The following UNC13C variants were observed in gnomAD, a reference collection of about 807,000 sequenced individuals.
The protein encoded by UNC13C is protein unc-13 homolog C.
In UNC13C, 174 loss-of-function variants were observed where a neutral mutation model predicts 245.4. That is an observed-to-expected ratio of 0.71 (90% CI 0.63 to 0.80). The LOEUF is 0.80. UNC13C is among the 30% of genes least tolerant of loss of function. The pLI is 0.00. For missense variants in UNC13C, 2,829 were observed against 2,602.9 expected, an observed-to-expected ratio of 1.09 and a Z score of -1.89; for synonymous variants, 992 against 895.1, an observed-to-expected ratio of 1.11 and a Z score of -1.93.
the UNC13C span, among the ~76,000 whole-genome samples, chr15:53,940,199 C>T: frequency 9.7e-3 from 1,471 of 152,126 alleles, 7 homozygotes; most frequent in Middle Eastern, 0.058. Flanking sequence ...GTGGGCAGCA[C>T]GGAGAGGTTT....
chr15:53,856,826 A>C, the UNC13C span, among the ~76,000 whole-genome samples: 7 of 152,114 alleles, frequency 4.6e-5, no homozygotes, highest in Non-Finnish European at 1.5e-5. Flanking sequence ...CAGGTCCTGA[A>C]TATCTTTGGC....
chr15:53,903,971 C>T, the UNC13C span, among the ~76,000 whole-genome samples: 685 of 152,274 alleles, frequency 4.5e-3, 5 homozygotes, highest in African/African-American at 0.016. Context: ...AGTACAGTGA[C>T]ATTGTGCAGG....
intron 13 of UNC13C, among the ~76,000 whole-genome samples, chr15:54,317,968 A>G (rs559955114): frequency 6.6e-6 from 1 of 152,070 alleles, no homozygotes; most frequent in East Asian, 1.9e-4. Context: ...CAGACTGTAC[A>G]TATGAGTGAG....
intron 1 of UNC13C, among the ~76,000 whole-genome samples, chr15:53,980,741 C>CT (rs1867760193): frequency 6.6e-6 from 1 of 152,150 alleles, no homozygotes; most frequent in Admixed American, 6.5e-5. Flanking sequence ...TCACTATGTG[C>CT]TAGGTAAATT....
chr15:54,168,925 G>A lies in UNC13C; in HGVS notation c.3071+25241G>A, dbSNP rs2141280219. 1.3e-5 allele frequency among the ~76,000 whole-genome samples: 2 copies of A among 152,234 alleles called. 1 individual carries two copies. The highest frequency in any genetic ancestry group is 3.9e-4 in the East Asian group (2 of 5,184). On this transcript the variant is annotated intron_variant, in intron 4 of 32. Coordinates refer to ENST00000260323, the MANE Select transcript of UNC13C (RefSeq NM_001080534.3). ...ATAATCACCAAGAATCAATAAAAGTGATTAATAAAATGGAAAAATGCTAAG... is the reference window on the plus strand; with the variant it reads ...ATAATCACCAAGAATCAATAAAAGTAATTAATAAAATGGAAAAATGCTAAG...
chr15:54,373,634 A>G (rs990906829), intron 17 of UNC13C, among the ~76,000 whole-genome samples: 1 of 152,208 alleles, frequency 6.6e-6, no homozygotes, highest in African/African-American at 2.4e-5. Context: ...CAGGAACCAT[A>G]GAGTCCCAAA....
intron 4 of UNC13C, among the ~76,000 whole-genome samples, chr15:54,183,221 C>T (rs8034755): frequency 0.022 from 3,307 of 151,654 alleles, 137 homozygotes; most frequent in African/African-American, 0.076. Flanking sequence ...TTGATAAATA[C>T]ATTCTTTAAG....
intron 10 of UNC13C, among the ~76,000 whole-genome samples, chr15:54,267,681 A>G (rs2036581365): frequency 6.6e-6 from 1 of 151,434 alleles, no homozygotes; most frequent in Non-Finnish European, 1.5e-5. Flanking sequence ...TACTCCTCCA[A>G]CTGCTTTTAA....
chr15:54,489,255 A>G (rs1339299075), intron 19 of UNC13C, among the ~76,000 whole-genome samples: 3 of 152,246 alleles, frequency 2.0e-5, no homozygotes, highest in African/African-American at 7.2e-5. Context: ...GACCACAAAT[A>G]TGAAACAAGG....
chr15:53,985,481 A>G (rs755842244), intron 1 of UNC13C, among the ~76,000 whole-genome samples: 1 of 151,952 alleles, frequency 6.6e-6, no homozygotes, highest in Non-Finnish European at 1.5e-5. Flanking sequence ...CATGTGTTAC[A>G]TATGTATACA....
chr15:54,230,553 A>C (rs1241578649), intron 4 of UNC13C, among the ~76,000 whole-genome samples: 1 of 152,092 alleles, frequency 6.6e-6, no homozygotes, highest in African/African-American at 2.4e-5. Flanking sequence ...GAACATATGT[A>C]ATTTGTATAC....
intron 19 of UNC13C, among the ~76,000 whole-genome samples, chr15:54,460,025 C>T (rs548357986): frequency 6.6e-6 from 1 of 152,196 alleles, no homozygotes; most frequent in Non-Finnish European, 1.5e-5. Flanking sequence ...TTTGTGTAGA[C>T]TGTTTCAGTG....
At position 54,013,777 on chromosome 15, in the gene UNC13C, C is replaced by T. The variant is rs751934604; in HGVS notation, c.874C>T (p.Arg292Cys). ...TGTACAAAGTGAAATTGAGCAGTTG[C>T]GCACAGGGTTTGTCCAGTCTCGGAG... ...EVVQSEIEQL[R>C]TGFVQSRRET... is the part of the protein sequence containing the mutation. Residue 292 changes from arginine to cysteine, a missense_variant, in exon 2 of 33, where the codon CGC becomes TGC. Coordinates refer to ENST00000260323, the MANE Select transcript of UNC13C (RefSeq NM_001080534.3). 30 of 1,610,338 alleles carry T rather than the reference C, an allele frequency of 1.9e-5. No individual in the cohort carries two copies. Among genetic ancestry groups the T allele is most frequent in the South Asian group, 1.1e-4 (10 of 90,684 alleles).
chr15:54,486,671 A>G (rs998889980), intron 19 of UNC13C, among the ~76,000 whole-genome samples: 1 of 152,190 alleles, frequency 6.6e-6, no homozygotes, highest in South Asian at 2.1e-4. Context: ...TGATTTGTCA[A>G]TTAATGCCAA....
intron 2 of UNC13C, among the ~76,000 whole-genome samples, chr15:54,052,992 T>C (rs923274717): frequency 3.3e-5 from 5 of 152,120 alleles, no homozygotes; most frequent in Admixed American, 6.5e-5. Flanking sequence ...TAAATTTTCT[T>C]ATTATTGTTA....
intron 19 of UNC13C, among the ~76,000 whole-genome samples, chr15:54,424,450 T>C (rs1212356331): frequency 2.0e-5 from 3 of 151,876 alleles, no homozygotes; most frequent in South Asian, 2.1e-4. Flanking sequence ...TCTGAAGAAA[T>C]GACCTCCTGT....
At chr15:53,915,326 A>G in the UNC13C span, among the ~76,000 whole-genome samples, 2 of 152,262 alleles carry the variant, frequency 1.3e-5, no homozygotes, top group South Asian at 4.1e-4. Context: ...GATTAAAAAG[A>G]GAATCTTTTA....
intron 19 of UNC13C, among the ~76,000 whole-genome samples, chr15:54,418,043 C>T (rs1216660616): frequency 2.0e-5 from 3 of 152,096 alleles, no homozygotes; most frequent in East Asian, 1.9e-4. Context: ...GCTGCCTCAA[C>T]GTCCCAAGTA....
At chr15:54,246,174 A>G (rs983894726) in intron 7 of UNC13C, among the ~76,000 whole-genome samples, 2 of 151,606 alleles carry the variant, frequency 1.3e-5, no homozygotes, top group Non-Finnish European at 2.9e-5. Flanking sequence ...AATTGTTCCA[A>G]AAGTGACATA....
Sources: gnomAD v4.1 joint callset for allele counts (sites outside exome capture counted in the v4.1 genomes callset) on GRCh38, gnomAD v4.1.1 for gene constraint, MANE v1.5 for transcripts, NCBI Gene and HGNC (gene_info 2026-07-23, HGNC 2026-07-21) for gene names.